The following OXNAD1 variants were observed in gnomAD, a reference collection of about 807,000 sequenced individuals.
OXNAD1 encodes the protein oxidoreductase NAD-binding domain-containing protein 1.
Under a neutral mutation model 32.9 loss-of-function variants are expected in OXNAD1, and 34 were observed. That is an observed-to-expected ratio of 1.03 (90% CI 0.79 to 1.38). OXNAD1 has a LOEUF of 1.38. OXNAD1 is among the 40% of genes most tolerant of loss of function. OXNAD1 has a pLI of 0.00. For missense variants in OXNAD1, 407 were observed against 379.4 expected (o/e 1.07, Z -0.60); for synonymous variants, 134 against 135.2 (o/e 0.99, Z 0.06).
Position 16,288,070 on chromosome 3 carries a change from A to G in OXNAD1, c.290+1622A>G, listed in dbSNP as rs1265717849. The stretch of plus-strand genomic sequence containing the variant: ...CAAATTTTACCCTTACCATTGATTT[A>G]TGGTTCTAGGGGTTGTGAGTTCCTT... On this transcript the variant is annotated intron_variant, in intron 5 of 8. Transcript: ENST00000285083. The surrounding 1 kb of genome is among the most constrained non-coding windows in gnomAD (Gnocchi z 5.1). Among the ~76,000 whole-genome samples, 2 of 152,016 alleles carry G rather than the reference A, an allele frequency of 1.3e-5. No individual in the cohort carries two copies. Among genetic ancestry groups the G allele is most frequent in the African/African-American group, 4.8e-5 (2 of 41,380 alleles).
At chr3:16,324,092 AAAG>A (rs2069400338) in intron 9 of OXNAD1, among the ~76,000 whole-genome samples, 2 of 144,932 alleles carry the variant, frequency 1.4e-5, no homozygotes, top group Admixed American at 1.4e-4. Flanking sequence ...GAAGTATTGT[AAAG>A]AAGATCACTG....
intron 9 of OXNAD1, chr3:16,315,740 C>G (rs1193590775): frequency 6.6e-6 from 1 of 152,224 alleles, no homozygotes; most frequent in African/African-American, 2.4e-5. Context: ...ACCACGTCAT[C>G]ATGCTGCCAG....
rs767056242 is a variant in OXNAD1 at position 16,323,449 on chromosome 3, C to G, written c.*31-13663C>G. ...AAAGACAATCTGCTTGGTGGATACA[C>G]TCCCCTCGCTGTAACACACGGAGCT... On this transcript the variant is annotated intron_variant, in intron 9 of 9. Transcript: ENST00000435829. 4 of 1,610,910 alleles carry G rather than the reference C, an allele frequency of 2.5e-6. No homozygotes were observed. The Admixed American group carries it at 6.7e-5, about 27-fold the overall frequency.
chr3:16,281,367 A>AAAATCTG (rs1367491834), intron 4 of OXNAD1, among the ~76,000 whole-genome samples: 1 of 152,240 alleles, frequency 6.6e-6, no homozygotes, highest in Admixed American at 6.5e-5. Flanking sequence ...CTCTAATGCA[A>AAAATCTG]AAATCTGAAA....
At position 16,303,791 on chromosome 3, in the gene OXNAD1, T is replaced by C. The variant is rs957882102; in HGVS notation, c.*229T>C. The stretch of plus-strand genomic sequence containing the variant: ...TTTTTACTATACTGATTTTCTGTTA[T>C]TAACAACGATTTAATTGTCTCATGA... On this transcript the variant is annotated 3_prime_UTR_variant, in exon 9 of 9. Coordinates refer to ENST00000285083, the MANE Select transcript of OXNAD1 (RefSeq NM_138381.5). This position sits in a 1 kb window ranked among gnomAD's most constrained non-coding sequence, Gnocchi z 4.8. 5 of 370,114 alleles carry C rather than the reference T, an allele frequency of 1.4e-5. No individual in the cohort carries two copies. Among genetic ancestry groups the C allele is most frequent in the Admixed American group, 1.3e-4 (3 of 23,162 alleles). The allele number at this position is 370,114 out of a possible 1,614,324, so 22.9% of individuals were successfully genotyped here. A position where few individuals can be genotyped will look rare whatever the true frequency, so the allele number is the denominator to read the frequency against.
At chr3:16,282,221 T>C (rs1236531824) in intron 4 of OXNAD1, among the ~76,000 whole-genome samples, 1 of 151,938 alleles carries the variant, frequency 6.6e-6, no homozygotes, top group Non-Finnish European at 1.5e-5. Flanking sequence ...CTTGTCTTTG[T>C]AATAAGATAC....
chr3:16,271,784 G>A lies in OXNAD1; in HGVS notation c.183+62G>A. The stretch of plus-strand genomic sequence containing the variant: ...AGACCGTTTACATGTGGTTATGACT[G>A]GCTTATGGGTAAAGCATTAGATGAG... On this transcript the variant is annotated intron_variant, in intron 4 of 8. Transcript: ENST00000285083. This position sits in a 1 kb window ranked among gnomAD's most constrained non-coding sequence, Gnocchi z 4.6. The A allele has an allele frequency of 7.1e-7, 1 of 1,399,842 alleles. No individual in the cohort carries two copies. The highest frequency in any genetic ancestry group is 1.3e-5 in the South Asian group (1 of 78,666). 86.7% of individuals were successfully genotyped at this position (1,399,842 alleles called of 1,614,324 possible).
At chr3:16,311,183 AAAATATTATATAT>A (rs1412271298) in intron 9 of OXNAD1, among the ~76,000 whole-genome samples, 63 of 121,646 alleles carry the variant, frequency 5.2e-4, no homozygotes, top group African/African-American at 1.9e-3. Context: ...TCTTTTTTTA[AAAATATTATATAT>A]TTTATATATT....
At chr3:16,324,757 C>G (rs2069527062) in intron 9 of OXNAD1, among the ~76,000 whole-genome samples, 1 of 149,380 alleles carries the variant, frequency 6.7e-6, no homozygotes, top group Non-Finnish European at 1.5e-5. Context: ...CATTTCTTAG[C>G]TGTTGTGAAT....
In OXNAD1 at chr3:16,317,740, A is replaced by G. The variant is rs1274299451; in HGVS notation, c.*30+14148A>G. On this transcript the variant is annotated intron_variant, in intron 9 of 9. Transcript: ENST00000435829. This position sits in a 1 kb window ranked among gnomAD's most constrained non-coding sequence, Gnocchi z 4.3. ...TGTGCTGTACCGCTCAGATCCCCCCACAGGACTGGCGGGCCCGCTCCCCAG... is the reference window on the plus strand; with the variant it reads ...TGTGCTGTACCGCTCAGATCCCCCCGCAGGACTGGCGGGCCCGCTCCCCAG... Among the ~76,000 whole-genome samples the G allele has an allele frequency of 1.3e-5, 2 of 150,580 alleles. No homozygotes were observed. The highest frequency in any genetic ancestry group is 6.6e-5 in the Admixed American group (1 of 15,182).
intron 4 of OXNAD1, chr3:16,276,137 A>G (rs2065300852): frequency 5.5e-6 from 1 of 180,320 alleles, no homozygotes; most frequent in Admixed American, 6.2e-5. Flanking sequence ...TGTCTCAAAA[A>G]GAAAAGAGTT....
rs998441106 is a variant in OXNAD1 at position 16,321,554 on chromosome 3, G to C, written c.*31-15558G>C. On this transcript the variant is annotated intron_variant, in intron 9 of 9. Coordinates refer to the OXNAD1 transcript ENST00000435829. The surrounding 1 kb of genome is among the most constrained non-coding windows in gnomAD (Gnocchi z 4.8). ...GAGGAGTGAGGAGGGGACACCCAGT[G>C]CAGAAGATTCTTCCAAGGAGTCTGG... Among the ~76,000 whole-genome samples the C allele has an allele frequency of 2.4e-4, 36 of 152,294 alleles. No homozygotes were observed. The highest frequency in any genetic ancestry group is 8.4e-4 in the African/African-American group (35 of 41,546).
intron 9 of OXNAD1, among the ~76,000 whole-genome samples, chr3:16,326,403 T>C (rs1409563166): frequency 6.6e-6 from 1 of 152,244 alleles, no homozygotes; most frequent in Non-Finnish European, 1.5e-5. Context: ...TTTTCTTTTC[T>C]TTTTGAGGAC....
rs1452937910 is a variant in OXNAD1, at chr3:16,271,885, T to C, written c.183+163T>C. Among the ~76,000 whole-genome samples, 3 of 152,186 alleles carry C rather than the reference T, an allele frequency of 2.0e-5. No individual in the cohort carries two copies. Among genetic ancestry groups the C allele is most frequent in the African/African-American group, 7.2e-5 (3 of 41,434 alleles). On this transcript the variant is annotated intron_variant, in intron 4 of 8. Coordinates refer to ENST00000285083, the MANE Select transcript of OXNAD1 (RefSeq NM_138381.5). This position sits in a 1 kb window ranked among gnomAD's most constrained non-coding sequence, Gnocchi z 4.6. The stretch of plus-strand genomic sequence containing the variant: ...AATTTTCTGAGCAGGACATTTGATA[T>C]CTGATTTGAAAAGATGACAGATACT...
At chr3:16,340,743 C>T (rs967112579), downstream of OXNAD1, among the ~76,000 whole-genome samples, 1 of 152,184 alleles carries the variant, frequency 6.6e-6, no homozygotes, top group Admixed American at 6.5e-5. Context: ...TACCCCTCAC[C>T]TTCTTGTCCA....
At chr3:16,323,412 AG>A in intron 9 of OXNAD1, 5 of 1,610,854 alleles carry the variant, frequency 3.1e-6, no homozygotes, top group Non-Finnish European at 4.2e-6. Flanking sequence ...GAGGTAGACA[AG>A]GTCTCTGAAG....
rs750491540 is a variant in OXNAD1 at position 16,313,205 on chromosome 3, A to ATT, written c.*30+9630_*30+9631dup. The stretch of plus-strand genomic sequence containing the variant: ...GTACATGTACCACCACACCCAGCGG[A>ATT]TTTTTTTTTTTTTTTTTTGCAGAGG... On this transcript the variant is annotated intron_variant, in intron 9 of 9. Transcript: ENST00000435829. Among the ~76,000 whole-genome samples, 254 of 103,802 alleles carry ATT rather than the reference A, an allele frequency of 2.4e-3. 20 individuals carry two copies. The highest frequency in any genetic ancestry group is 0.01 in the African/African-American group (230 of 22,788). The allele number at this position is 103,802 out of a possible 152,430, so 68.1% of individuals were successfully genotyped here. A position where few individuals can be genotyped will look rare whatever the true frequency, so the allele number is the denominator to read the frequency against.
In OXNAD1 at chr3:16,289,568, T is replaced by C. The variant is rs1249799870; in HGVS notation, c.290+3120T>C. ...GAGAAATAAGACTTTATACCTACCC[T>C]TGAGCAGGGCTGCCACACTGTAGAT... On this transcript the variant is annotated intron_variant, in intron 5 of 8. Coordinates refer to ENST00000285083, the MANE Select transcript of OXNAD1 (RefSeq NM_138381.5). The surrounding 1 kb of genome is among the most constrained non-coding windows in gnomAD (Gnocchi z 4.9). Among the ~76,000 whole-genome samples, 1 of 152,190 alleles carries C rather than the reference T, an allele frequency of 6.6e-6. No individual in the cohort carries two copies. The highest frequency in any genetic ancestry group is 2.4e-5 in the African/African-American group (1 of 41,444).
At position 16,271,166 on chromosome 3, in the gene OXNAD1, G is replaced by A. The variant is rs1172037016; in HGVS notation, c.119+95G>A. The A allele has an allele frequency of 2.8e-6, 4 of 1,420,840 alleles. No individual in the cohort carries two copies. The Admixed American group carries it at 7.7e-5, about 28-fold the overall frequency. The allele number at this position is 1,420,840 out of a possible 1,614,324, so 88.0% of individuals were successfully genotyped here. ...GGAGGCATATCAAACTCCCGGAAAGGTAACACCTTAGCTTCAATGTGCATG... is the reference window on the plus strand; with the variant it reads ...GGAGGCATATCAAACTCCCGGAAAGATAACACCTTAGCTTCAATGTGCATG... On this transcript the variant is annotated intron_variant, in intron 3 of 8. Coordinates refer to ENST00000285083, the MANE Select transcript of OXNAD1 (RefSeq NM_138381.5). This position sits in a 1 kb window ranked among gnomAD's most constrained non-coding sequence, Gnocchi z 4.6.
Sources: gnomAD v4.1 joint callset for allele counts (sites outside exome capture counted in the v4.1 genomes callset) on GRCh38, gnomAD v4.1.1 for gene constraint, Gnocchi (gnomAD v3.1) non-coding constraint, MANE v1.5 for transcripts, NCBI Gene and HGNC (gene_info 2026-07-23, HGNC 2026-07-21) for gene names.